PHRF1: variants seen among roughly 807,000 people sequenced by gnomAD.
The protein encoded by PHRF1 is PHD and ring finger domains 1.
A neutral mutation model predicts 128.9 loss-of-function variants in PHRF1; 53 were observed. The ratio of observed to expected loss-of-function variants is 0.41; its 90% CI spans 0.33 to 0.52. The LOEUF (loss-of-function observed/expected upper bound fraction) is 0.52, where lower values mean the gene tolerates loss of function less well. Ranked by LOEUF, PHRF1 falls within the 20% of genes least tolerant of loss-of-function variation. The probability of loss-of-function intolerance (pLI) is 0.21; values close to 1 mark genes in which losing one functional copy is unlikely to be tolerated. For synonymous variants in PHRF1, 1,178 were observed against 980.6 expected (o/e 1.20, Z -3.76); for missense variants, 2,503 against 2,284.5 (o/e 1.10, Z -1.95).
intron 14 of PHRF1, among the ~76,000 whole-genome samples, 181 bp from the exon 15 acceptor site, chr11:610,015 T>C (rs1856264969): frequency 6.6e-6 from 1 of 152,114 alleles, no homozygotes; most frequent in African/African-American, 2.4e-5. Context: ...CAGGTCATGG[T>C]CGGGGATCAG....
At position 609,376 on chromosome 11, in the gene PHRF1, C is replaced by T; in HGVS notation, c.3920C>T (p.Pro1307Leu). The change falls in exon 14 of 18, where the codon CCT becomes CTT. Residue 1307 changes from proline to leucine, a missense_variant. Pro to Leu is a moderately conservative substitution (Grantham distance 98, BLOSUM62 -3). Coordinates refer to ENST00000264555, the MANE Select transcript of PHRF1 (RefSeq NM_001286581.2). Reference protein sequence around the residue: ...SSPERDFPLKPALPPASLAVA... With the variant: ...SSPERDFPLKLALPPASLAVA... ...CCGGAGCGAGACTTCCCACTGAAGC[C>T]TGCGTTGCCCCCAGCCAGCCTGGCC... 2 of 1,611,896 alleles carry T rather than the reference C, an allele frequency of 1.2e-6. No individual in the cohort carries two copies. Among genetic ancestry groups the T allele is most frequent in the Non-Finnish European group, 1.7e-6 (2 of 1,179,876 alleles).
chr11:608,958 T>A lies in PHRF1; in HGVS notation c.3502T>A (p.Ser1168Thr). 6.2e-7 allele frequency: 1 copy of A among 1,607,006 alleles called. No homozygotes were observed. Among genetic ancestry groups the A allele is most frequent in the Non-Finnish European group, 8.5e-7 (1 of 1,178,098 alleles). ...RRKRRSRSPS[S>T]EHRAREHRRP... Reference sequence around the variant, plus strand: ...GAAGCGGAGGTCCCGGTCCCCAAGCTCGGAGCACAGGGCACGGGAGCACAG... The same window carrying A: ...GAAGCGGAGGTCCCGGTCCCCAAGCACGGAGCACAGGGCACGGGAGCACAG... Residue 1168 changes from serine (S) to threonine (T), a missense_variant, in exon 14 of 18, where the codon TCG becomes ACG. Ser to Thr is a moderately conservative substitution (Grantham distance 58). Transcript: ENST00000264555.
At position 606,585 on chromosome 11, in the gene PHRF1, C is replaced by T; in HGVS notation, c.1598C>T (p.Ala533Val). 1 of 1,605,082 alleles carries T rather than the reference C, an allele frequency of 6.2e-7. No homozygotes were observed. Among genetic ancestry groups the T allele is most frequent in the South Asian group, 1.1e-5 (1 of 90,902 alleles). The stretch of plus-strand genomic sequence containing the variant: ...ATCCACCGCGACGGCTCCCTCAGCG[C>T]CAAGAGGGCGGGTGAGTGCCTTCCC... ...VIIHRDGSLS[A>V]KRAAPVSFQR... Residue 533 changes from alanine to valine, a missense_variant, in exon 13 of 18, where the codon GCC becomes GTC. Physicochemically the swap from Ala to Val is moderately conservative, Grantham distance 64. Transcript: ENST00000264555.
At chr11:600,520 G>GTATATATC (rs1855570348) in intron 9 of PHRF1, among the ~76,000 whole-genome samples, 3 of 120,406 alleles carry the variant, frequency 2.5e-5, no homozygotes, top group African/African-American at 1.0e-4. Flanking sequence ...ATATATATAT[G>GTATATATC]GTTTATTTCT....
In PHRF1 at chr11:597,749, C is replaced by T. The variant is rs1294305833; in HGVS notation, c.894+179C>T. Among the ~76,000 whole-genome samples the T allele has an allele frequency of 6.6e-6, 1 of 152,114 alleles. No individual in the cohort carries two copies. The highest frequency in any genetic ancestry group is 1.5e-5 in the Non-Finnish European group (1 of 68,000). On this transcript the variant is annotated intron_variant, in intron 8 of 17. Coordinates refer to ENST00000264555, the MANE Select transcript of PHRF1 (RefSeq NM_001286581.2). This position sits in a 1 kb window ranked among gnomAD's most constrained non-coding sequence, Gnocchi z 6.5. ...TGCACCCCAGGGTGACCCCAGCGGC[C>T]CAAGGTGGGGCTGCCTCTGAGCACC...
Position 598,389 on chromosome 11 carries a change from T to G in PHRF1, c.911T>G (p.Leu304Arg), listed in dbSNP as rs771828973. 1 of 1,609,984 alleles carries G rather than the reference T, an allele frequency of 6.2e-7. No homozygotes were observed. The highest frequency in any genetic ancestry group is 8.5e-7 in the Non-Finnish European group (1 of 1,179,756). ...ARRVQHTPGRLGSSLLDEAIE... is the reference protein window; with the variant it reads ...ARRVQHTPGRRGSSLLDEAIE... ...TGCCTGTAGCACACACCAGGGCGCC[T>G]CGGGTCTTCCCTGCTGGATGAAGCC... The change falls in exon 9 of 18, where the codon CTC (leucine) becomes CGC (arginine). Residue 304 changes from leucine (L) to arginine (R), a missense_variant. Transcript: ENST00000264555.
intron 3 of PHRF1, among the ~76,000 whole-genome samples, chr11:582,360 G>T (rs898615356): frequency 6.6e-6 from 1 of 151,248 alleles, no homozygotes; most frequent in Non-Finnish European, 1.5e-5. Context: ...TGCCTCCCGG[G>T]TTCAAGTGAT....
At chr11:599,230 CTT>C (rs1435865414) in intron 9 of PHRF1, among the ~76,000 whole-genome samples, 1 of 140,950 alleles carries the variant, frequency 7.1e-6, no homozygotes, top group Non-Finnish European at 1.6e-5. Context: ...AGCATGCATA[CTT>C]TTTCTTTTTT....
chr11:579,380 T>C (rs556716397), intron 1 of PHRF1, among the ~76,000 whole-genome samples: 1 of 152,158 alleles, frequency 6.6e-6, no homozygotes, highest in Non-Finnish European at 1.5e-5. Context: ...GCATTCGCCT[T>C]GTGCTGCACA....
intron 10 of PHRF1, among the ~76,000 whole-genome samples, chr11:603,040 G>A (rs932809104): frequency 6.6e-6 from 1 of 151,954 alleles, no homozygotes; most frequent in African/African-American, 2.4e-5. Flanking sequence ...GATTACAGGA[G>A]TGAGCCACCG....
At chr11:581,229 G>T (rs935439746) in intron 1 of PHRF1, among the ~76,000 whole-genome samples, 3 of 148,852 alleles carry the variant, frequency 2.0e-5, no homozygotes, top group Non-Finnish European at 4.4e-5. Context: ...AGGCTTACTG[G>T]TGAGGGTTGT....
In PHRF1 at chr11:609,231, C is replaced by T; in HGVS notation, c.3775C>T (p.Leu1259=). The change falls in exon 14 of 18, where the codon CTG becomes TTG. Residue 1259 remains leucine (L), a synonymous_variant. Coordinates refer to ENST00000264555, the MANE Select transcript of PHRF1 (RefSeq NM_001286581.2). ...AAECEPDDLD[L]DYGDSVEAGH... is the part of the protein sequence containing the mutation. ...TGAGTGTGAGCCGGACGACCTGGAC[C>T]TGGATTATGGCGACTCCGTGGAGGC... 1 of 1,610,892 alleles carries T rather than the reference C, an allele frequency of 6.2e-7. No homozygotes were observed. Among genetic ancestry groups the T allele is most frequent in the Non-Finnish European group, 8.5e-7 (1 of 1,179,880 alleles).
intron 14 of PHRF1, 114 bp downstream of exon 14, chr11:609,834 G>C (rs1856251760): frequency 4.2e-6 from 3 of 718,184 alleles, no homozygotes; most frequent in Non-Finnish European, 6.5e-6. Flanking sequence ...CGAGGACAGA[G>C]CCCCCCGTGA....
At chr11:588,302 C>A (rs1326427852) in intron 4 of PHRF1, among the ~76,000 whole-genome samples, 2 of 152,230 alleles carry the variant, frequency 1.3e-5, no homozygotes, top group African/African-American at 4.8e-5. Flanking sequence ...CACCCAAAGT[C>A]TGGCTCTGGT....
At chr11:604,301 G>C (rs895349559) in intron 10 of PHRF1, among the ~76,000 whole-genome samples, 4 of 152,196 alleles carry the variant, frequency 2.6e-5, no homozygotes, top group African/African-American at 2.4e-5. Context: ...CCACAGCCTG[G>C]GGGCCCGATG....
chr11:596,459 G>A (rs1855284819), intron 6 of PHRF1, among the ~76,000 whole-genome samples: 1 of 152,214 alleles, frequency 6.6e-6, no homozygotes, highest in Non-Finnish European at 1.5e-5. Context: ...CCCACAGGCA[G>A]CACCTACCGC....
Position 601,639 on chromosome 11 carries a change from T to C in PHRF1, c.1090T>C (p.Ser364Pro). The part of the protein sequence containing the change: ...PSGPSAKSKS[S>P]ATRSKKRQHR... ...CGGACCATCCGCAAAAAGTAAGAGC[T>C]CAGCGACAAGATCTAAGAAACGCCA... is the stretch of plus-strand genomic sequence containing the variant. The change falls in exon 10 of 18, where the codon TCA (serine) becomes CCA (proline). Residue 364 changes from serine to proline, a missense_variant. Physicochemically the swap from Ser to Pro is moderately conservative, Grantham distance 74. Coordinates refer to ENST00000264555, the MANE Select transcript of PHRF1 (RefSeq NM_001286581.2). The C allele has an allele frequency of 1.9e-6, 3 of 1,613,566 alleles. No individual in the cohort carries two copies. The highest frequency in any genetic ancestry group is 2.5e-6 in the Non-Finnish European group (3 of 1,179,834).
At chr11:593,045 A>C (rs1855077028) in intron 6 of PHRF1, among the ~76,000 whole-genome samples, 2 of 152,192 alleles carry the variant, frequency 1.3e-5, no homozygotes, top group South Asian at 4.1e-4. Context: ...TTGGTCCCTC[A>C]CCTTTCACCC....
Position 607,175 on chromosome 11 carries a change from G to A in PHRF1, c.1719G>A (p.Pro573=), listed in dbSNP as rs936468. The A allele has an allele frequency of 0.2, 328,585 of 1,612,572 alleles. 35,406 individuals carry two copies. The highest frequency in any genetic ancestry group is 0.26 in the Admixed American group (15,465 of 59,970). Residue 573 remains proline, a synonymous_variant, in exon 14 of 18, where the codon CCG becomes CCA. Transcript: ENST00000264555. Reference sequence around the variant, plus strand: ...CCTCCGGGAGCCCGGCCCAAGGCCCGTCAGGAAACAGGCCACAGAGCACAG... The same window carrying A: ...CCTCCGGGAGCCCGGCCCAAGGCCCATCAGGAAACAGGCCACAGAGCACAG... ...ALPSGSPAQG[P]SGNRPQSTGL... is the part of the protein sequence containing the mutation.
Sources: allele counts gnomAD v4.1 joint callset (sites outside exome capture counted in the v4.1 genomes callset), GRCh38; gene constraint gnomAD v4.1.1; non-coding constraint Gnocchi (gnomAD v3.1); transcripts MANE v1.5; gene names NCBI Gene and HGNC (gene_info 2026-07-23, HGNC 2026-07-21).